LRP1B: variants seen among roughly 807,000 people sequenced by gnomAD.
LRP1B encodes low-density lipoprotein receptor-related protein 1B.
Under a neutral mutation model 556.6 loss-of-function variants are expected in LRP1B, and 217 were observed. The observed-to-expected ratio is 0.39, with a 90% CI of 0.35 to 0.44. The LOEUF (loss-of-function observed/expected upper bound fraction) is 0.44, where lower values mean the gene tolerates loss of function less well. Ranked by LOEUF, LRP1B falls within the 20% of genes least tolerant of loss-of-function variation. The pLI, the probability that LRP1B is intolerant of heterozygous loss-of-function variation, is 1.00. For missense variants in LRP1B, 5,053 were observed against 5,620.8 expected, an observed-to-expected ratio of 0.90 and a Z score of 3.23; for synonymous variants, 2,047 against 1,865.8, an observed-to-expected ratio of 1.10 and a Z score of -2.50.
chr2:140,782,343 C>T (rs138951956), intron 32 of LRP1B, among the ~76,000 whole-genome samples: 2,586 of 152,168 alleles, frequency 0.017, 81 homozygotes, highest in Admixed American at 0.078. Context: ...TAAGTCTAAA[C>T]GAGGCCCCAT....
At chr2:141,052,988 C>T (rs1311417248) in intron 10 of LRP1B, among the ~76,000 whole-genome samples, 2 of 151,916 alleles carry the variant, frequency 1.3e-5, no homozygotes, top group Admixed American at 1.3e-4. Flanking sequence ...AAACCTAGTA[C>T]TTCATTGATG....
At chr2:141,547,515 T>A (rs1685596875) in intron 2 of LRP1B, among the ~76,000 whole-genome samples, 1 of 152,178 alleles carries the variant, frequency 6.6e-6, no homozygotes, top group African/African-American at 2.4e-5. Context: ...ACATGTAAAC[T>A]CCTTTACAAG....
At chr2:140,958,515 G>C (rs529381969) in intron 18 of LRP1B, among the ~76,000 whole-genome samples, 1 of 151,444 alleles carries the variant, frequency 6.6e-6, no homozygotes, top group African/African-American at 2.4e-5. Context: ...GCAGCTCAGA[G>C]TTTAAGAACA....
intron 32 of LRP1B, among the ~76,000 whole-genome samples, chr2:140,807,642 C>T (rs900400399): frequency 1.5e-4 from 23 of 151,416 alleles, no homozygotes; most frequent in African/African-American, 5.6e-4. Flanking sequence ...TGAGTCACTG[C>T]TCCTGGTCAA....
At chr2:141,282,112 A>T (rs1181147403) in intron 3 of LRP1B, among the ~76,000 whole-genome samples, 3 of 151,998 alleles carry the variant, frequency 2.0e-5, no homozygotes, top group Non-Finnish European at 4.4e-5. Context: ...AAAGTAACTG[A>T]ACCAATTTTG....
chr2:140,640,747 A>C (rs1306432203), intron 41 of LRP1B, among the ~76,000 whole-genome samples: 1 of 152,082 alleles, frequency 6.6e-6, no homozygotes, highest in Non-Finnish European at 1.5e-5. Flanking sequence ...ATTTAATTCA[A>C]TATATCATTC....
At chr2:140,418,425 C>G (rs1180664885) in intron 66 of LRP1B, among the ~76,000 whole-genome samples, 1 of 152,182 alleles carries the variant, frequency 6.6e-6, no homozygotes, top group Non-Finnish European at 1.5e-5. Flanking sequence ...AGAGGATCAA[C>G]TACTTGAGAT....
chr2:141,607,607 C>A (rs1015280346), intron 2 of LRP1B, among the ~76,000 whole-genome samples: 6 of 152,110 alleles, frequency 3.9e-5, no homozygotes, highest in African/African-American at 1.4e-4. Flanking sequence ...TAAGAAGAGA[C>A]AAAGTGATCA....
chr2:141,744,740 T>G (rs556218856), intron 2 of LRP1B, among the ~76,000 whole-genome samples: 15 of 152,322 alleles, frequency 9.8e-5, no homozygotes, highest in African/African-American at 3.6e-4. Flanking sequence ...CTGGATGGTC[T>G]TGATGCTTGT....
At chr2:141,146,613 AAC>A (rs1701790550) in intron 7 of LRP1B, among the ~76,000 whole-genome samples, 1 of 152,196 alleles carries the variant, frequency 6.6e-6, no homozygotes. Flanking sequence ...GGTAAGTGAT[AAC>A]TATAGATAAG....
chr2:140,753,052 C>T (rs1688636419), intron 35 of LRP1B, among the ~76,000 whole-genome samples: 1 of 152,146 alleles, frequency 6.6e-6, no homozygotes, highest in South Asian at 2.1e-4. Flanking sequence ...CTTCCCCCAT[C>T]CCCTGGCAAA....
chr2:140,955,011 A>G (rs1175285301), intron 18 of LRP1B, among the ~76,000 whole-genome samples: 1 of 151,980 alleles, frequency 6.6e-6, no homozygotes, highest in Non-Finnish European at 1.5e-5. Context: ...ACTATGACTG[A>G]GTAAATCACT....
intron 31 of LRP1B, among the ~76,000 whole-genome samples, chr2:140,818,936 C>CAAAAAAAA (rs543167243): frequency 6.1e-4 from 63 of 102,906 alleles, no homozygotes; most frequent in African/African-American, 2.5e-3. Flanking sequence ...GACTCTGTCT[C>CAAAAAAAA]AAAAAAAAAA....
chr2:141,081,559 G>T (rs1330204546), intron 7 of LRP1B, among the ~76,000 whole-genome samples: 1 of 152,158 alleles, frequency 6.6e-6, no homozygotes, highest in African/African-American at 2.4e-5. Flanking sequence ...ATATATACAG[G>T]TTTCAAGGGA....
At chr2:140,672,481 C>CAAAAAA (rs1317605314) in intron 41 of LRP1B, among the ~76,000 whole-genome samples, 1 of 26,440 alleles carries the variant, frequency 3.8e-5, no homozygotes, top group African/African-American at 1.8e-4. Context: ...GAGACTCCAT[C>CAAAAAA]TAAAAAAAAA....
chr2:142,043,863 T>G (rs1490957872), intron 1 of LRP1B, among the ~76,000 whole-genome samples: 1 of 151,714 alleles, frequency 6.6e-6, no homozygotes. Flanking sequence ...CAGATGTGAT[T>G]TAGACCAAAA....
chr2:141,940,151 C>T (rs1376265369), intron 1 of LRP1B, among the ~76,000 whole-genome samples: 1 of 151,830 alleles, frequency 6.6e-6, no homozygotes, highest in Admixed American at 6.6e-5. Context: ...AGAGAAGATA[C>T]TTACAAAAAT....
intron 35 of LRP1B, among the ~76,000 whole-genome samples, chr2:140,761,811 G>A (rs1223031033): frequency 6.6e-6 from 1 of 151,902 alleles, no homozygotes; most frequent in Non-Finnish European, 1.5e-5. Context: ...GACACAGCAA[G>A]CTGACCAATA....
chr2:140,777,125 T>C (rs1355693201), intron 32 of LRP1B, among the ~76,000 whole-genome samples: 3 of 152,202 alleles, frequency 2.0e-5, no homozygotes, highest in Non-Finnish European at 4.4e-5. Context: ...TTGAATGATT[T>C]AGACTTATCA....
Sources: allele counts gnomAD v4.1 joint callset (sites outside exome capture counted in the v4.1 genomes callset), GRCh38; gene constraint gnomAD v4.1.1; transcripts MANE v1.5; gene names NCBI Gene and HGNC (gene_info 2026-07-23, HGNC 2026-07-21).